The following XKR6 variants were observed in gnomAD, a reference collection of about 807,000 sequenced individuals.
XKR6 encodes the protein XK related 6.
Under a neutral mutation model 56.7 loss-of-function variants are expected in XKR6, and 22 were observed. The ratio of observed to expected loss-of-function variants is 0.39; its 90% CI spans 0.28 to 0.55. The LOEUF (loss-of-function observed/expected upper bound fraction) is 0.55, where lower values mean the gene tolerates loss of function less well. XKR6 is among the 20% of genes least tolerant of loss of function. The probability of loss-of-function intolerance (pLI) is 0.66; values close to 1 mark genes in which losing one functional copy is unlikely to be tolerated. For missense variants in XKR6, 852 were observed against 889.0 expected (o/e 0.96, Z 0.53); for synonymous variants, 524 against 387.8 (o/e 1.35, Z -4.13).
intron 1 of XKR6, among the ~76,000 whole-genome samples, chr8:11,171,485 G>A (rs771512495): frequency 6.6e-6 from 1 of 152,182 alleles, no homozygotes; most frequent in Non-Finnish European, 1.5e-5. Flanking sequence ...GGGTCATGGG[G>A]GCAGATGCCT....
chr8:10,911,238 A>G (rs112920936), intron 2 of XKR6, among the ~76,000 whole-genome samples: 2,494 of 103,020 alleles, frequency 0.024, 19 homozygotes, highest in Non-Finnish European at 0.032. Flanking sequence ...GTGTGTGTGT[A>G]TAGAGAGAGA....
chr8:10,954,617 T>C (rs1246641012), intron 1 of XKR6, among the ~76,000 whole-genome samples: 1 of 152,232 alleles, frequency 6.6e-6, no homozygotes, highest in Non-Finnish European at 1.5e-5. Context: ...GTCTTTTCAC[T>C]TTCCTGATGG....
At chr8:10,995,897 C>A (rs1798102141) in intron 1 of XKR6, among the ~76,000 whole-genome samples, 1 of 152,152 alleles carries the variant, frequency 6.6e-6, no homozygotes, top group Non-Finnish European at 1.5e-5. Context: ...GCCTGAGCAC[C>A]TGTAGTTGAA....
intron 1 of XKR6, among the ~76,000 whole-genome samples, chr8:10,969,665 G>GACAA (rs1381119879): frequency 3.3e-5 from 5 of 152,224 alleles, no homozygotes; most frequent in Non-Finnish European, 7.3e-5. Context: ...ACAGCCTAGA[G>GACAA]ACAAACACTG....
At chr8:10,999,368 T>C (rs956780959) in intron 1 of XKR6, among the ~76,000 whole-genome samples, 3 of 152,252 alleles carry the variant, frequency 2.0e-5, no homozygotes, top group Non-Finnish European at 2.9e-5. Context: ...AAATTCAGGA[T>C]ACAAATTGTA....
chr8:11,152,807 A>G (rs776489506), intron 1 of XKR6, among the ~76,000 whole-genome samples: 31 of 152,308 alleles, frequency 2.0e-4, no homozygotes, highest in Admixed American at 4.6e-4. Context: ...ATATAAACAA[A>G]TATAATTATC....
At chr8:11,154,813 T>C (rs1801434811) in intron 1 of XKR6, among the ~76,000 whole-genome samples, 1 of 152,216 alleles carries the variant, frequency 6.6e-6, no homozygotes. Context: ...CAAAAGTACC[T>C]TGTCTTCTGT....
In XKR6 at chr8:11,024,457, G is replaced by A. The variant is rs533243891; in HGVS notation, c.765-99627C>T. Among the ~76,000 whole-genome samples the A allele has an allele frequency of 1.8e-4, 28 of 152,236 alleles. No individual in the cohort carries two copies. In the South Asian group the frequency reaches 5.6e-3, roughly 30 times the overall value. ...CTAAGATTTAAATAAAGTAATCCAG[G>A]TAAAATGCCTAGTCAATTGTCTGGC... On this transcript the variant is annotated intron_variant, in intron 1 of 2. Transcript: ENST00000416569.
rs555443390 is a variant in XKR6, at chr8:10,971,481, C to T, written c.765-46651G>A. 3.3e-5 allele frequency among the ~76,000 whole-genome samples: 5 copies of T among 151,996 alleles called. No individual in the cohort carries two copies. In the South Asian group the frequency reaches 6.3e-4, roughly 19 times the overall value. The stretch of plus-strand genomic sequence containing the variant: ...AATTTGAAATAAAAAAATAAAATTA[C>T]GAGCAGCCTCCATACACTTTGGAGT... On this transcript the variant is annotated intron_variant, in intron 1 of 2. Transcript: ENST00000416569.
chr8:11,030,404 G>A (rs1341226261), intron 1 of XKR6, among the ~76,000 whole-genome samples: 2 of 152,202 alleles, frequency 1.3e-5, no homozygotes, highest in African/African-American at 4.8e-5. Flanking sequence ...GGTAGCTGGT[G>A]TCTCTTGCTC....
intron 1 of XKR6, among the ~76,000 whole-genome samples, chr8:11,086,156 T>A (rs1401900554): frequency 1.4e-5 from 2 of 138,118 alleles, no homozygotes; most frequent in African/African-American, 6.0e-5. Context: ...ATATTTTTTT[T>A]TAAAAAAAAC....
At chr8:11,059,524 G>C (rs921038691) in intron 1 of XKR6, among the ~76,000 whole-genome samples, 1 of 152,052 alleles carries the variant, frequency 6.6e-6, no homozygotes, top group African/African-American at 2.4e-5. Context: ...CGCCGCTCCA[G>C]TGTTTGTTTA....
At chr8:10,982,067 G>C (rs1319801823) in intron 1 of XKR6, among the ~76,000 whole-genome samples, 1 of 152,226 alleles carries the variant, frequency 6.6e-6, no homozygotes, top group African/African-American at 2.4e-5. Context: ...ACTTGAGGCA[G>C]CTACTAGGGT....
intron 1 of XKR6, among the ~76,000 whole-genome samples, chr8:10,948,645 C>T (rs1025195866): frequency 1.3e-5 from 2 of 152,170 alleles, no homozygotes; most frequent in African/African-American, 4.8e-5. Flanking sequence ...CCTCTAGCAC[C>T]TCCCACCCCG....
chr8:10,989,025 CCATAGGCAAGCTA>C, intron 1 of XKR6, among the ~76,000 whole-genome samples: 1 of 152,256 alleles, frequency 6.6e-6, no homozygotes, highest in East Asian at 1.9e-4. Flanking sequence ...CTGAATATGC[CCATAGGCAAGCTA>C]CATGCTTATG....
In XKR6 at chr8:11,120,946, C is replaced by A. The variant is rs961596331; in HGVS notation, c.764+79630G>T. 1.7e-4 allele frequency among the ~76,000 whole-genome samples: 26 copies of A among 152,288 alleles called. 1 individual carries two copies. Among genetic ancestry groups the A allele is most frequent in the African/African-American group, 6.0e-4 (25 of 41,556 alleles). The stretch of plus-strand genomic sequence containing the variant: ...AAACAAGCAATGGGGAAAGGATTCC[C>A]TATTTAATAAATGGTGCTGGGAAAA... On this transcript the variant is annotated intron_variant, in intron 1 of 2. Transcript: ENST00000416569.
chr8:10,939,524 C>G, intron 1 of XKR6, among the ~76,000 whole-genome samples: 1 of 152,238 alleles, frequency 6.6e-6, no homozygotes, highest in South Asian at 2.1e-4. Context: ...TACTTGGGCA[C>G]CTGACCTGCA....
intron 1 of XKR6, among the ~76,000 whole-genome samples, chr8:11,053,068 C>T (rs1468050865): frequency 6.6e-6 from 1 of 152,166 alleles, no homozygotes; most frequent in Non-Finnish European, 1.5e-5. Flanking sequence ...CACGCGCCAC[C>T]CTGTGCACCC....
chr8:11,139,220 TA>T (rs1800557477), intron 1 of XKR6, among the ~76,000 whole-genome samples: 1 of 152,216 alleles, frequency 6.6e-6, no homozygotes, highest in Non-Finnish European at 1.5e-5. Flanking sequence ...TCTTCACTTT[TA>T]TGTACAAAAC....
Sources: gnomAD v4.1 joint callset for allele counts (sites outside exome capture counted in the v4.1 genomes callset) on GRCh38, gnomAD v4.1.1 for gene constraint, MANE v1.5 for transcripts, NCBI Gene and HGNC (gene_info 2026-07-23, HGNC 2026-07-21) for gene names.